The following NPHP1 variants were observed in gnomAD, a reference collection of about 807,000 sequenced individuals.
The protein encoded by NPHP1 is nephrocystin-1.
In NPHP1, 70 loss-of-function variants were observed where a neutral mutation model predicts 90.4. The ratio of observed to expected loss-of-function variants is 0.77; its 90% CI spans 0.64 to 0.95. The LOEUF is 0.95. Among genes scored for constraint, NPHP1 ranks in the 40% least tolerant of loss-of-function variants. The probability of loss-of-function intolerance (pLI) is 0.00; values close to 1 mark genes in which losing one functional copy is unlikely to be tolerated. For synonymous variants in NPHP1, 256 were observed against 271.7 expected (o/e 0.94, Z 0.57); for missense variants, 764 against 795.9 (o/e 0.96, Z 0.48).
chr2:110,125,167 G>T, intron 19 of NPHP1: 1 of 1,521,202 alleles, frequency 6.6e-7, no homozygotes, highest in South Asian at 1.2e-5. Flanking sequence ...TCCTGGATGA[G>T]AGCAGTCAAA....
In NPHP1 at chr2:110,168,440, A is replaced by G; in HGVS notation, c.624+12T>C. The G allele has an allele frequency of 6.4e-7, 1 of 1,573,736 alleles. No homozygotes were observed. On this transcript the variant is annotated intron_variant, in intron 6 of 19. Coordinates refer to ENST00000445609, the MANE Select transcript of NPHP1 (RefSeq NM_001128178.3). ...AAAGTCTTAGAAAAGGAAGGCATAA[A>G]CCAAGACTAACCTCTAGGTAGGTTC...
At chr2:110,172,539 G>T (rs866672361) in intron 4 of NPHP1, among the ~76,000 whole-genome samples, 4 of 152,068 alleles carry the variant, frequency 2.6e-5, no homozygotes, top group Middle Eastern at 3.4e-3. Context: ...CCAGAACTTT[G>T]GGAGGCTGAG....
chr2:110,128,988 C>A (rs1679572101), intron 18 of NPHP1, 198 bp downstream of exon 18: 1 of 613,872 alleles, frequency 1.6e-6, no homozygotes. Flanking sequence ...TCCACCTGCT[C>A]CCTGGGTCAG....
Position 110,129,236 on chromosome 2 carries a change from C to T in NPHP1, c.1666G>A (p.Ala556Thr), listed in dbSNP as rs746510153. Residue 556 changes from alanine to threonine, a missense_variant, in exon 18 of 20, where the codon GCC becomes ACC. Physicochemically the swap from Ala to Thr is moderately conservative, Grantham distance 58 (BLOSUM62 0). Transcript: ENST00000445609. ...TGCTCCAAGAGCATGGGGAAGGTGG[C>T]CAGCATGGGATGGCTAATTAAATCT... The part of the protein sequence containing the change: ...STDLISHPML[A>T]TFPMLLEQPD... 6.2e-7 allele frequency: 1 copy of T among 1,613,438 alleles called. No individual in the cohort carries two copies. Among genetic ancestry groups the T allele is most frequent in the South Asian group, 1.1e-5 (1 of 90,962 alleles).
At chr2:110,183,390 C>T (rs867570059) in intron 2 of NPHP1, among the ~76,000 whole-genome samples, 4 of 152,188 alleles carry the variant, frequency 2.6e-5, no homozygotes, top group Non-Finnish European at 5.9e-5. Context: ...GCCAGAACCT[C>T]CCCTTTATTT....
chr2:110,139,257 T>C (rs915638217), intron 16 of NPHP1, among the ~76,000 whole-genome samples: 5 of 151,474 alleles, frequency 3.3e-5, no homozygotes, highest in African/African-American at 1.2e-4. Flanking sequence ...CAGATCAGGG[T>C]TTCTTGATAT....
chr2:110,174,328 T>C (rs1411763032), intron 4 of NPHP1, among the ~76,000 whole-genome samples: 3 of 152,196 alleles, frequency 2.0e-5, no homozygotes, highest in African/African-American at 7.2e-5. Context: ...GTTAATCAAA[T>C]CACGTTTAGT....
At chr2:110,192,099 C>T (rs527707250) in intron 2 of NPHP1, among the ~76,000 whole-genome samples, 12 of 152,214 alleles carry the variant, frequency 7.9e-5, no homozygotes, top group South Asian at 2.1e-4. Context: ...AATCAGAGCG[C>T]CTCTCCTCCT....
At chr2:110,140,908 G>GT (rs1319547608) in intron 16 of NPHP1, among the ~76,000 whole-genome samples, 5 of 152,166 alleles carry the variant, frequency 3.3e-5, no homozygotes, top group African/African-American at 1.2e-4. Flanking sequence ...AGTAGTAGTG[G>GT]TAAGAACAAG....
In NPHP1 at chr2:110,160,136, A is replaced by G. The variant is rs1324878401; in HGVS notation, c.1074T>C (p.Asp358=). ...TTCTCAGTAACCTTACCTTATTACCATCAAATAGACAGAGGCGTACATGTC... is the reference window on the plus strand; with the variant it reads ...TTCTCAGTAACCTTACCTTATTACCGTCAAATAGACAGAGGCGTACATGTC... ...LSRHVRLCLF[D]GNKVLSNIHT... The change falls in exon 11 of 20, where the codon GAT becomes GAC. Residue 358 remains aspartate (D), a synonymous_variant. Transcript: ENST00000445609. 1.2e-6 allele frequency: 2 copies of G among 1,612,978 alleles called. No individual in the cohort carries two copies. The highest frequency in any genetic ancestry group is 1.7e-6 in the Non-Finnish European group (2 of 1,179,260).
intron 3 of NPHP1, 91 bp from the exon 4 acceptor site, chr2:110,178,638 T>C (rs1683676792): frequency 2.6e-6 from 3 of 1,172,544 alleles, no homozygotes; most frequent in Non-Finnish European, 2.4e-6. Context: ...AAGTGCTATA[T>C]AACAAAGTAA....
chr2:110,150,687 T>C (rs1681399544), intron 11 of NPHP1, among the ~76,000 whole-genome samples: 1 of 151,782 alleles, frequency 6.6e-6, no homozygotes, highest in African/African-American at 2.4e-5. Flanking sequence ...GTAGCTGAGA[T>C]TACAGGTCCC....
chr2:110,193,888 A>T (rs1359990183), intron 2 of NPHP1, among the ~76,000 whole-genome samples: 6 of 152,174 alleles, frequency 3.9e-5, no homozygotes, highest in Admixed American at 3.9e-4. Context: ...GAAACTGAAC[A>T]ACCTGCTCCG....
chr2:110,129,650 G>A (rs770705982), intron 17 of NPHP1, among the ~76,000 whole-genome samples: 2 of 152,186 alleles, frequency 1.3e-5, no homozygotes, highest in Non-Finnish European at 2.9e-5. Flanking sequence ...GAAGCATTGG[G>A]GGGAAAGGAG....
chr2:110,196,440 C>T (rs530751687), intron 2 of NPHP1, among the ~76,000 whole-genome samples: 4 of 152,114 alleles, frequency 2.6e-5, no homozygotes, highest in African/African-American at 4.8e-5. Flanking sequence ...AAATGCAAAT[C>T]AAAACCACAA....
chr2:110,140,978 A>G (rs1680585071), intron 16 of NPHP1, among the ~76,000 whole-genome samples: 1 of 152,200 alleles, frequency 6.6e-6, no homozygotes, highest in African/African-American at 2.4e-5. Flanking sequence ...GAGCATGCCA[A>G]GTCTTCACTG....
chr2:110,134,810 T>G (rs1283196456), intron 16 of NPHP1, among the ~76,000 whole-genome samples: 1 of 151,720 alleles, frequency 6.6e-6, no homozygotes, highest in Non-Finnish European at 1.5e-5. Context: ...CTCAACAAAC[T>G]AGGAATAGAA....
At chr2:110,169,784 G>A in intron 5 of NPHP1, 22 bp downstream of exon 5, 1 of 1,552,432 alleles carries the variant, frequency 6.4e-7, no homozygotes, top group Non-Finnish European at 8.9e-7. Flanking sequence ...CTTAGGTTAG[G>A]TTTCAGTCTT....
chr2:110,199,587 C>T (rs1026082451), intron 2 of NPHP1, among the ~76,000 whole-genome samples: 1 of 152,094 alleles, frequency 6.6e-6, no homozygotes, highest in African/African-American at 2.4e-5. Context: ...TGTGCCACTT[C>T]ATTACAGCCT....
Sources: gnomAD v4.1 joint callset for allele counts (sites outside exome capture counted in the v4.1 genomes callset) on GRCh38, gnomAD v4.1.1 for gene constraint, MANE v1.5 for transcripts, NCBI Gene and HGNC (gene_info 2026-07-23, HGNC 2026-07-21) for gene names.